Variants in TBX22 observed in about 807,000 individuals in gnomAD.
The protein encoded by TBX22 is T-box transcription factor 22.
TBX22 carries 8 observed loss-of-function variants against 30.1 expected under a neutral mutation model. The observed-to-expected ratio is 0.27, with a 90% CI of 0.16 to 0.48. TBX22 has a LOEUF of 0.48. Ranked by LOEUF, TBX22 falls within the 20% of genes least tolerant of loss-of-function variation. The pLI is 0.99. For synonymous variants in TBX22, 173 were observed against 149.1 expected (o/e 1.16, Z -1.17); for missense variants, 463 against 400.5 (o/e 1.16, Z -1.33).
Position 80,027,306 on chromosome X carries a change from T to C in TBX22, c.849T>C (p.Asp283=), listed in dbSNP as rs1196739771. 6.4e-6 allele frequency: 7 copies of C among 1,097,009 alleles called. No homozygotes were observed. The Admixed American group carries it at 1.5e-4, about 24-fold the overall frequency. The allele number at this position is 1,097,009 out of a possible 1,213,427, so 90.4% of individuals were successfully genotyped here. A position where few individuals can be genotyped will look rare whatever the true frequency, so the allele number is the denominator to read the frequency against. The change falls in exon 7 of 9, where the codon GAT becomes GAC. Residue 283 remains aspartate, a synonymous_variant. Coordinates refer to ENST00000373296, the MANE Select transcript of TBX22 (RefSeq NM_001109878.2). ...ATCCTTTTGCTAAAGGATTTAGAGA[T>C]ACTGGAAGAAACAGGTAAGCAGCAT... is the stretch of plus-strand genomic sequence containing the variant. ...ERNPFAKGFR[D]TGRNRGVLDG...
chrX:80,020,299 A>AGAT (rs1157859609), intron 1 of TBX22, among the ~76,000 whole-genome samples: 4 of 109,964 alleles, frequency 3.6e-5, no homozygotes, highest in Non-Finnish European at 5.7e-5. Context: ...TTAGATAGAT[A>AGAT]GATAGATAGA....
In TBX22 at chrX:80,030,798, G is replaced by T. The variant is rs770817802; in HGVS notation, c.1250G>T (p.Gly417Val). 1.8e-5 allele frequency: 22 copies of T among 1,211,111 alleles called. No homozygotes were observed. In the South Asian group the frequency reaches 3.7e-4, roughly 20 times the overall value. Residue 417 changes from glycine to valine, a missense_variant, in exon 9 of 9, where the codon GGG becomes GTG. Gly to Val is a moderately radical substitution (Grantham distance 109). Transcript: ENST00000373296. ...MMEVPMLSSL[G>V]VTNSKSGSSE... ...GAAGTGCCTATGTTATCTTCCCTGG[G>T]GGTCACCAATTCAAAAAGCGGTTCA...
chrX:80,031,230 G>A lies in TBX22; in HGVS notation c.*119G>A. ...CATCATTACAATACAGTATTTCTTT[G>A]TTATACATTTAAAGATTTAAAGTGC... On this transcript the variant is annotated 3_prime_UTR_variant, in exon 9 of 9. Transcript: ENST00000373296. 1 of 679,308 alleles carries A rather than the reference G, an allele frequency of 1.5e-6. No homozygotes were observed. Among genetic ancestry groups the A allele is most frequent in the Admixed American group, 3.7e-5 (1 of 26,854 alleles). 56.0% of individuals were successfully genotyped at this position (679,308 alleles called of 1,213,427 possible).
chrX:80,025,292 G>T (rs1923917262), intron 4 of TBX22, among the ~76,000 whole-genome samples: 2 of 111,762 alleles, frequency 1.8e-5, no homozygotes, highest in African/African-American at 6.5e-5. Context: ...AAAGCTAGTG[G>T]ATTTTTCCAT....
chrX:80,025,063 G>C (rs963819816), intron 4 of TBX22, among the ~76,000 whole-genome samples: 3 of 112,312 alleles, frequency 2.7e-5, no homozygotes, highest in Non-Finnish European at 5.6e-5. Flanking sequence ...AAAGCTGTTT[G>C]CTTCTCAAAT....
chrX:80,023,021 C>G, intron 2 of TBX22, 39 bp from the exon 3 acceptor site: 1 of 1,192,744 alleles, frequency 8.4e-7, no homozygotes. Context: ...TGAACTGTGA[C>G]GCTCTCTCAA....
At chrX:80,028,154 T>C (rs1177893670) in intron 8 of TBX22, 78 bp downstream of exon 8, 1 of 857,777 alleles carries the variant, frequency 1.2e-6, no homozygotes, top group Non-Finnish European at 1.7e-6. Flanking sequence ...TACCAAATAC[T>C]ACACAAGGGG....
Position 80,031,067 on chromosome X carries a change from T to C in TBX22, c.1519T>C (p.Cys507Arg), listed in dbSNP as rs371101114. Residue 507 changes from cysteine to arginine, a missense_variant, in exon 9 of 9, where the codon TGT (cysteine) becomes CGT (arginine). Cys to Arg is a radical substitution (Grantham distance 180). Coordinates refer to ENST00000373296, the MANE Select transcript of TBX22 (RefSeq NM_001109878.2). ...TCAAGTTTCTTTTGGAGAAGGCAAATGTAATCATGTTCATTGGTATCCAGC... is the reference window on the plus strand; with the variant it reads ...TCAAGTTTCTTTTGGAGAAGGCAAACGTAATCATGTTCATTGGTATCCAGC... ...DSQVSFGEGKCNHVHWYPAIN... is the reference protein window; with the variant it reads ...DSQVSFGEGKRNHVHWYPAIN... The C allele has an allele frequency of 9.1e-6, 11 of 1,209,736 alleles. No homozygotes were observed. In the African/African-American group the frequency reaches 1.7e-4, roughly 19 times the overall value.
intron 8 of TBX22, among the ~76,000 whole-genome samples, chrX:80,030,239 C>G (rs1924180433): frequency 1.8e-5 from 2 of 111,952 alleles, no homozygotes; most frequent in South Asian, 7.5e-4. Flanking sequence ...TCACCTCTTG[C>G]TGTCCAGCCT....
In TBX22 at chrX:80,023,965, C is replaced by T. The variant is rs893305492; in HGVS notation, c.357-98C>T. On this transcript the variant is annotated intron_variant, in intron 3 of 8. Transcript: ENST00000373296. ...TGAAAAGGGAAGGGTATTGTGAGTC[C>T]CTTCACTTTTTACTGGAGTCAGCAT... 3 of 761,328 alleles carry T rather than the reference C, an allele frequency of 3.9e-6. No individual in the cohort carries two copies. In the African/African-American group the frequency reaches 6.2e-5, roughly 16 times the overall value. The allele number at this position is 761,328 out of a possible 1,213,427, so 62.7% of individuals were successfully genotyped here.
At chrX:80,016,434 G>A (rs1456414414) in intron 1 of TBX22, among the ~76,000 whole-genome samples, 2 of 111,335 alleles carry the variant, frequency 1.8e-5, no homozygotes, top group African/African-American at 3.3e-5. Flanking sequence ...GCGTGTGTAG[G>A]GGAAGAGGGT....
Position 80,022,439 on chromosome X carries a change from C to G in TBX22, c.170C>G (p.Pro57Arg), listed in dbSNP as rs770084170. 2 of 1,181,934 alleles carry G rather than the reference C, an allele frequency of 1.7e-6. No individual in the cohort carries two copies. Among genetic ancestry groups the G allele is most frequent in the Non-Finnish European group, 2.3e-6 (2 of 880,879 alleles). The change falls in exon 2 of 9, where the codon CCG (proline) becomes CGG (arginine). Residue 57 changes from proline (P) to arginine (R), a missense_variant. Pro to Arg is a moderately radical substitution (Grantham distance 103). Coordinates refer to ENST00000373296, the MANE Select transcript of TBX22 (RefSeq NM_001109878.2). ...AGCAGCGCTGCAGGGAAGAGCGAGC[C>G]GCTTGGTAAGTACTGCCATTGCCCT... ...RRSSAAGKSE[P>R]LEKQPKTEPS...
rs761364666 is a variant in TBX22 at position 80,022,360 on chromosome X, G to C, written c.91G>C (p.Glu31Gln). ...AAAACTCCAAGACCCAATACAGGCG[G>C]AGCAGCCTGAGCTGCGGGAGAAAAA... is the stretch of plus-strand genomic sequence containing the variant. ...KRKLQDPIQA[E>Q]QPELREKKGG... Residue 31 changes from glutamate to glutamine, a missense_variant, in exon 2 of 9, where the codon GAG becomes CAG. Transcript: ENST00000373296. The C allele has an allele frequency of 3.6e-5, 44 of 1,208,695 alleles. No homozygotes were observed. Among genetic ancestry groups the C allele is most frequent in the Middle Eastern group, 2.3e-4 (1 of 4,363 alleles).
intron 5 of TBX22, 107 bp from the exon 6 acceptor site, chrX:80,026,597 T>G: frequency 1.2e-6 from 1 of 858,802 alleles, no homozygotes; most frequent in Non-Finnish European, 1.7e-6. Flanking sequence ...TTACCTAAGC[T>G]TCATCATTGC....
chrX:80,031,062 G>T lies in TBX22; in HGVS notation c.1514G>T (p.Gly505Val), dbSNP rs773849952. Residue 505 changes from glycine to valine, a missense_variant, in exon 9 of 9, where the codon GGC becomes GTC. Gly to Val is a moderately radical substitution (Grantham distance 109). Transcript: ENST00000373296. ...NDDSQVSFGE[G>V]KCNHVHWYPA... ...GACAGTCAAGTTTCTTTTGGAGAAG[G>T]CAAATGTAATCATGTTCATTGGTAT... 2 of 1,210,542 alleles carry T rather than the reference G, an allele frequency of 1.7e-6. No homozygotes were observed. The highest frequency in any genetic ancestry group is 3.5e-5 in the South Asian group (2 of 56,995).
chrX:80,031,199 A>T lies in TBX22; in HGVS notation c.*88A>T, dbSNP rs751972744. On this transcript the variant is annotated 3_prime_UTR_variant, in exon 9 of 9. Coordinates refer to ENST00000373296, the MANE Select transcript of TBX22 (RefSeq NM_001109878.2). ...AGAAATTTCAACAGTTATTGGGCTT[A>T]AAAAGCATCATTACAATACAGTATT... 2.3e-5 allele frequency: 20 copies of T among 864,899 alleles called. No individual in the cohort carries two copies. The highest frequency in any genetic ancestry group is 6.5e-5 in the East Asian group (2 of 30,973). The allele number at this position is 864,899 out of a possible 1,213,427, so 71.3% of individuals were successfully genotyped here. A position where few individuals can be genotyped will look rare whatever the true frequency, so the allele number is the denominator to read the frequency against.
chrX:80,027,546 T>C (rs1246970813), intron 7 of TBX22, among the ~76,000 whole-genome samples: 1 of 110,800 alleles, frequency 9.0e-6, no homozygotes, highest in African/African-American at 3.3e-5. Flanking sequence ...GCCTGGCTAA[T>C]TTTTGTATTT....
intron 1 of TBX22, among the ~76,000 whole-genome samples, chrX:80,021,736 CA>C (rs1262846901): frequency 9.0e-6 from 1 of 111,707 alleles, no homozygotes; most frequent in South Asian, 3.7e-4. Flanking sequence ...CAATAGTTTC[CA>C]AAACAAACAG....
chrX:80,023,882 G>T (rs906933191), intron 3 of TBX22, among the ~76,000 whole-genome samples, 181 bp from the exon 4 acceptor site: 1 of 111,644 alleles, frequency 9.0e-6, no homozygotes, highest in Non-Finnish European at 1.9e-5. Flanking sequence ...GTACTTGTTC[G>T]GTCAAGTATG....
Sources: gnomAD v4.1 joint callset for allele counts (sites outside exome capture counted in the v4.1 genomes callset) on GRCh38, gnomAD v4.1.1 for gene constraint, MANE v1.5 for transcripts, NCBI Gene and HGNC (gene_info 2026-07-23, HGNC 2026-07-21) for gene names.